The following MCMDC2 variants were observed in gnomAD, a reference collection of about 807,000 sequenced individuals.
MCMDC2 encodes minichromosome maintenance domain-containing protein 2.
A neutral mutation model predicts 75.8 loss-of-function variants in MCMDC2; 54 were observed. That is an observed-to-expected ratio of 0.71 (90% CI 0.57 to 0.89). The LOEUF (loss-of-function observed/expected upper bound fraction) is 0.89, where lower values mean the gene tolerates loss of function less well. Among genes scored for constraint, MCMDC2 ranks in the 40% least tolerant of loss-of-function variants. The pLI, the probability that MCMDC2 is intolerant of heterozygous loss-of-function variation, is 0.00. For synonymous variants in MCMDC2, 249 were observed against 274.6 expected (o/e 0.91, Z 0.92); for missense variants, 656 against 780.4 (o/e 0.84, Z 1.90).
chr8:66,902,705 AAAAAAAATATAT>A (rs1364121886), intron 13 of MCMDC2, among the ~76,000 whole-genome samples: 8 of 127,862 alleles, frequency 6.3e-5, no homozygotes, highest in Non-Finnish European at 9.7e-5. Flanking sequence ...AAAAAAAAAA[AAAAAAAATATAT>A]ATATATATAT....
chr8:66,890,820 T>C, intron 9 of MCMDC2, 45 bp from the exon 10 acceptor site: 1 of 1,496,912 alleles, frequency 6.7e-7, no homozygotes, highest in South Asian at 1.2e-5. Flanking sequence ...TTGTGACTTT[T>C]GAAAATTAAA....
intron 8 of MCMDC2, among the ~76,000 whole-genome samples, chr8:66,883,477 C>T (rs546501272): frequency 3.3e-5 from 5 of 151,962 alleles, no homozygotes; most frequent in East Asian, 1.9e-4. Flanking sequence ...AGCATGACCT[C>T]GAATCATAAT....
In MCMDC2 at chr8:66,901,330, C is replaced by T. The variant is rs1812648178; in HGVS notation, c.1751C>T (p.Ala584Val). 1 of 1,609,936 alleles carries T rather than the reference C, an allele frequency of 6.2e-7. No homozygotes were observed. The highest frequency in any genetic ancestry group is 1.7e-5 in the Admixed American group (1 of 59,196). Residue 584 changes from alanine (A) to valine (V), a missense_variant, in exon 13 of 15, where the codon GCA becomes GTA. Physicochemically the swap from Ala to Val is moderately conservative, Grantham distance 64. Transcript: ENST00000422365. The part of the protein sequence containing the change: ...TGSVCGSKLS[A>V]SALKYLVFLS... ...TCTGTATGTGGATCAAAGCTGTCAG[C>T]ATCTGCATTAAAATATCTGTAGGTA... is the stretch of plus-strand genomic sequence containing the variant.
rs145337978 is a variant in MCMDC2 at position 66,896,573 on chromosome 8, T to A, written c.1447-207T>A. 8.4e-3 allele frequency among the ~76,000 whole-genome samples: 1,280 copies of A among 152,128 alleles called. 17 individuals are homozygous for A. Among genetic ancestry groups the A allele is most frequent in the African/African-American group, 0.029 (1,209 of 41,510 alleles). ...TAGAGAGTCTTTAATGAATAATGTA[T>A]AAGAAAATACTCACTAAAGAGGCTT... On this transcript the variant is annotated intron_variant, in intron 11 of 14. Transcript: ENST00000422365.
intron 4 of MCMDC2, among the ~76,000 whole-genome samples, chr8:66,875,617 T>C (rs6984447): frequency 0.13 from 19,631 of 152,134 alleles, 2,406 homozygotes; most frequent in African/African-American, 0.32. Context: ...GTTATCACCC[T>C]TACAAAAGTA....
At chr8:66,902,692 C>CAAAAAAAA (rs530805303) in intron 13 of MCMDC2, among the ~76,000 whole-genome samples, 10 of 57,230 alleles carry the variant, frequency 1.7e-4, no homozygotes, top group African/African-American at 6.7e-4. Flanking sequence ...GATTCTGTCT[C>CAAAAAAAA]AAAAAAAAAA....
chr8:66,910,174 C>T lies in MCMDC2; in HGVS notation c.1879+4839C>T, dbSNP rs189956730. 5.3e-5 allele frequency among the ~76,000 whole-genome samples: 8 copies of T among 152,352 alleles called. No individual in the cohort carries two copies. In the East Asian group the frequency reaches 1.5e-3, roughly 29 times the overall value. The stretch of plus-strand genomic sequence containing the variant: ...TGGATATCCCTGCAGAAGTTTGCTG[C>T]AGGGATGTAGCCCTCATGGAGAACC... On this transcript the variant is annotated intron_variant, in intron 14 of 14. Coordinates refer to ENST00000422365, the MANE Select transcript of MCMDC2 (RefSeq NM_173518.5).
At chr8:66,879,633 A>G (rs1811469705) in intron 7 of MCMDC2, among the ~76,000 whole-genome samples, 1 of 152,188 alleles carries the variant, frequency 6.6e-6, no homozygotes, top group Admixed American at 6.5e-5. Flanking sequence ...ATGCTTATAA[A>G]TTATAAATGG....
chr8:66,901,718 G>A lies in MCMDC2; in HGVS notation c.1769+370G>A, dbSNP rs950995044. 5 of 779,530 alleles carry A rather than the reference G, an allele frequency of 6.4e-6. No individual in the cohort carries two copies. In the African/African-American group the frequency reaches 9.4e-5, roughly 15 times the overall value. 48.3% of individuals were successfully genotyped at this position (779,530 alleles called of 1,614,324 possible). A position where few individuals can be genotyped will look rare whatever the true frequency, so the allele number is the denominator to read the frequency against. On this transcript the variant is annotated intron_variant, in intron 13 of 14. Transcript: ENST00000422365. ...AGTCCGAGAGGGCAGATTGCCTGAG[G>A]TCAGGAGTTCAAGACCAGCCTGGGC...
rs1310504481 is a variant in MCMDC2, at chr8:66,891,032, C to A, written c.1241C>A (p.Ala414Asp). The change falls in exon 10 of 15, where the codon GCT (alanine) becomes GAT (aspartate). Residue 414 changes from alanine (A) to aspartate (D), a missense_variant. Physicochemically the swap from Ala to Asp is moderately radical, Grantham distance 126. Transcript: ENST00000422365. ...GGTATCTGCTTTATAGGAGACTTGG[C>A]TTCACACAAAAAAGATAAACTTGAA... ...KGGICFIGDL[A>D]SHKKDKLEQL... 1.3e-6 allele frequency: 2 copies of A among 1,589,998 alleles called. No individual in the cohort carries two copies. Among genetic ancestry groups the A allele is most frequent in the Non-Finnish European group, 1.7e-6 (2 of 1,174,576 alleles).
At chr8:66,878,494 T>A in intron 5 of MCMDC2, 80 bp from the exon 6 acceptor site, 1 of 1,365,156 alleles carries the variant, frequency 7.3e-7, no homozygotes, top group Non-Finnish European at 9.9e-7. Flanking sequence ...AATTAAAAAT[T>A]AAAAAATGAC....
At position 66,905,301 on chromosome 8, in the gene MCMDC2, CT is replaced by C; in HGVS notation, c.1847del (p.Leu616TyrfsTer9). ...TTAAAGAAGATGTGCTGATTGCAGC[CT>C]TACTATTTGAAACATCCCTCACATT... Reference protein sequence around the residue: ...VLKEDVLIAALLFETSLTLKY... With the variant: ...VLKEDVLIAAXLFETSLTLKY... On this transcript the variant is annotated frameshift_variant, in exon 14 of 15. Transcript: ENST00000422365. LOFTEE classifies it high-confidence loss of function. 1 of 1,486,212 alleles carries C rather than the reference CT, an allele frequency of 6.7e-7. No individual in the cohort carries two copies. The highest frequency in any genetic ancestry group is 1.4e-5 in the African/African-American group (1 of 71,030). 92.1% of individuals were successfully genotyped at this position (1,486,212 alleles called of 1,614,324 possible). A position where few individuals can be genotyped will look rare whatever the true frequency, so the allele number is the denominator to read the frequency against.
intron 10 of MCMDC2, among the ~76,000 whole-genome samples, chr8:66,894,139 C>G (rs1381709497): frequency 1.3e-5 from 2 of 152,176 alleles, no homozygotes; most frequent in Admixed American, 1.3e-4. Context: ...CTGATTGTTG[C>G]TGGACTCCCA....
At chr8:66,891,510 GT>G (rs987542642) in intron 10 of MCMDC2, among the ~76,000 whole-genome samples, 2 of 151,940 alleles carry the variant, frequency 1.3e-5, no homozygotes, top group Admixed American at 6.6e-5. Flanking sequence ...TTCCGAGAGG[GT>G]TTTTTTTAAT....
At chr8:66,903,389 CA>C (rs1812784683) in intron 13 of MCMDC2, among the ~76,000 whole-genome samples, 1 of 151,950 alleles carries the variant, frequency 6.6e-6, no homozygotes, top group Non-Finnish European at 1.5e-5. Context: ...GCAGTTGTAA[CA>C]ATATATTTAT....
At chr8:66,882,113 AC>A (rs753655141) in intron 8 of MCMDC2, among the ~76,000 whole-genome samples, 19 of 152,240 alleles carry the variant, frequency 1.2e-4, no homozygotes, top group African/African-American at 4.6e-4. Flanking sequence ...CCATGCTATT[AC>A]CCCCAGACCC....
At chr8:66,882,060 G>A (rs1258970882) in intron 8 of MCMDC2, among the ~76,000 whole-genome samples, 1 of 152,194 alleles carries the variant, frequency 6.6e-6, no homozygotes, top group African/African-American at 2.4e-5. Context: ...GTGAACTTAA[G>A]GACAGAAGCA....
chr8:66,898,129 A>G (rs1480595332), intron 12 of MCMDC2, among the ~76,000 whole-genome samples: 4 of 152,310 alleles, frequency 2.6e-5, no homozygotes, highest in Middle Eastern at 3.4e-3. Context: ...AGTAGTCTGT[A>G]GGAGTTAGGG....
rs536577840 is a variant in MCMDC2 at position 66,921,519 on chromosome 8, A to C, written c.*2350A>C. The C allele has an allele frequency of 6.6e-6, 1 of 152,366 alleles. No individual in the cohort carries two copies. The highest frequency in any genetic ancestry group is 1.5e-5 in the Non-Finnish European group (1 of 68,032). The allele number at this position is 152,366 out of a possible 1,614,324, so 9.4% of individuals were successfully genotyped here. ...GATTTAGCTCTAAACCTTCACCCAG[A>C]TATAAATTCAGCTTTAGAATTCTTG... On this transcript the variant is annotated 3_prime_UTR_variant, in exon 15 of 15. Transcript: ENST00000422365.
Sources: gnomAD v4.1 joint callset for allele counts (sites outside exome capture counted in the v4.1 genomes callset) on GRCh38, gnomAD v4.1.1 for gene constraint, MANE v1.5 for transcripts, NCBI Gene and HGNC (gene_info 2026-07-23, HGNC 2026-07-21) for gene names.